COPS4: variants seen among roughly 807,000 people sequenced by gnomAD.
COPS4 encodes the protein COP9 signalosome subunit 4, also known as COP9 signalosome complex subunit 4.
A neutral mutation model predicts 55.1 loss-of-function variants in COPS4; 8 were observed. That is an observed-to-expected ratio of 0.15 (90% confidence interval 0.09 to 0.26). COPS4 has a LOEUF of 0.26. Among genes scored for constraint, COPS4 ranks in the 10% least tolerant of loss-of-function variants. The pLI, the probability that COPS4 is intolerant of heterozygous loss-of-function variation, is 1.00. For missense variants in COPS4, 248 were observed against 484.0 expected (o/e 0.51, Z 4.58); for synonymous variants, 185 against 165.7 (o/e 1.12, Z -0.90).
chr4:83,060,342 C>T (rs1361656152), intron 6 of COPS4, among the ~76,000 whole-genome samples: 5 of 115,448 alleles, frequency 4.3e-5, no homozygotes, highest in African/African-American at 1.2e-4. Flanking sequence ...CGCCACCACG[C>T]GCAGCTAATT....
intron 6 of COPS4, among the ~76,000 whole-genome samples, chr4:83,058,020 A>T (rs1731058830): frequency 6.6e-6 from 1 of 151,782 alleles, no homozygotes; most frequent in South Asian, 2.1e-4. Context: ...GCAGAGTGAA[A>T]CAAAAATTAA....
chr4:83,073,222 A>G (rs775744047), intron 9 of COPS4: 40 of 679,558 alleles, frequency 5.9e-5, no homozygotes, highest in African/African-American at 5.3e-4. Flanking sequence ...GCAACCACCA[A>G]TCCATCTTCT....
At chr4:83,063,030 T>G in intron 6 of COPS4, 46 bp from the exon 7 acceptor site, 1 of 1,479,242 alleles carries the variant, frequency 6.8e-7, no homozygotes, top group Non-Finnish European at 9.0e-7. Context: ...GAAGAAACAT[T>G]GTGAAAATAA....
At chr4:83,062,659 C>T (rs553231998) in intron 6 of COPS4, among the ~76,000 whole-genome samples, 3 of 152,248 alleles carry the variant, frequency 2.0e-5, no homozygotes, top group Admixed American at 6.5e-5. Context: ...AGTGCTGAAG[C>T]GCTGTCTGGG....
intron 1 of COPS4, among the ~76,000 whole-genome samples, chr4:83,039,152 C>T (rs1164649162): frequency 6.6e-6 from 1 of 152,148 alleles, no homozygotes; most frequent in Non-Finnish European, 1.5e-5. Context: ...TTCTTTTCTG[C>T]TCCACGTGGT....
chr4:83,068,014 C>A (rs1731331507), intron 8 of COPS4, among the ~76,000 whole-genome samples: 1 of 152,016 alleles, frequency 6.6e-6, no homozygotes, highest in Non-Finnish European at 1.5e-5. Context: ...TCTTTTAAAC[C>A]CTTTCAATTT....
chr4:83,061,845 T>A (rs949294016), intron 6 of COPS4, among the ~76,000 whole-genome samples: 3 of 152,184 alleles, frequency 2.0e-5, no homozygotes, highest in Admixed American at 2.0e-4. Context: ...GCCAGTTACG[T>A]CTTTTTGACA....
At chr4:83,056,818 C>G in intron 4 of COPS4, 108 bp from the exon 5 acceptor site, 1 of 951,830 alleles carries the variant, frequency 1.1e-6, no homozygotes, top group East Asian at 2.5e-5. Context: ...GTTTGATTCC[C>G]TTACGGTACC....
intron 1 of COPS4, among the ~76,000 whole-genome samples, chr4:83,037,910 C>G (rs533927104): frequency 1.3e-5 from 2 of 152,266 alleles, no homozygotes; most frequent in East Asian, 3.9e-4. Flanking sequence ...CATTTTAAAC[C>G]TACCAGACTA....
intron 1 of COPS4, among the ~76,000 whole-genome samples, chr4:83,043,355 A>G (rs1730613683): frequency 6.6e-6 from 1 of 151,838 alleles, no homozygotes; most frequent in Non-Finnish European, 1.5e-5. Flanking sequence ...CATCTCTACA[A>G]AAAGAAAAGA....
chr4:83,042,176 TA>T (rs1730586295), intron 1 of COPS4, among the ~76,000 whole-genome samples: 1 of 152,208 alleles, frequency 6.6e-6, no homozygotes, highest in Admixed American at 6.5e-5. Flanking sequence ...TATTGTAATT[TA>T]ACACTTGACA....
chr4:83,075,350 G>A lies in COPS4; in HGVS notation c.1141G>A (p.Val381Met). 1.2e-6 allele frequency: 2 copies of A among 1,614,134 alleles called. No individual in the cohort carries two copies. Among genetic ancestry groups the A allele is most frequent in the Non-Finnish European group, 1.7e-6 (2 of 1,180,024 alleles). Residue 381 changes from valine to methionine, a missense_variant, in exon 10 of 10, where the codon GTG becomes ATG. Val to Met is a conservative substitution (Grantham distance 21, BLOSUM62 1). Around this residue, in one of 4 missense-constraint regions of COPS4, gnomAD observed 38 missense variants for 77.9 expected, o/e 0.49. Coordinates refer to ENST00000264389, the MANE Select transcript of COPS4 (RefSeq NM_016129.3). The stretch of plus-strand genomic sequence containing the variant: ...GCAGATCCAATCACTTTGTTTCCAA[G>A]TGAATAACCTTTTGGAGAAAATTAG... The part of the protein sequence containing the change: ...DKQIQSLCFQ[V>M]NNLLEKISQT...
intron 9 of COPS4, among the ~76,000 whole-genome samples, chr4:83,068,956 C>T (rs1306815413): frequency 7.8e-6 from 1 of 127,916 alleles, no homozygotes; most frequent in Non-Finnish European, 1.6e-5. Flanking sequence ...GGTGACAAAG[C>T]GAGACTCTGT....
chr4:83,060,522 G>T (rs927445199), intron 6 of COPS4, among the ~76,000 whole-genome samples: 4 of 151,182 alleles, frequency 2.6e-5, no homozygotes, highest in African/African-American at 9.7e-5. Flanking sequence ...TAGCCAGGAT[G>T]GTGTCGATCT....
intron 1 of COPS4, among the ~76,000 whole-genome samples, chr4:83,042,554 C>T (rs1405781656): frequency 6.6e-6 from 1 of 150,636 alleles, no homozygotes; most frequent in African/African-American, 2.4e-5. Flanking sequence ...TTGCTCTGTC[C>T]AGGCACACGC....
chr4:83,049,342 T>C, intron 3 of COPS4, 25 bp downstream of exon 3: 1 of 1,553,366 alleles, frequency 6.4e-7, no homozygotes, highest in Non-Finnish European at 8.7e-7. Context: ...AAGTGGTTTT[T>C]TAACTTGAGA....
At chr4:83,041,219 C>T (rs1050804811) in intron 1 of COPS4, among the ~76,000 whole-genome samples, 1 of 151,682 alleles carries the variant, frequency 6.6e-6, no homozygotes, top group Admixed American at 6.6e-5. Flanking sequence ...CACGCCACCA[C>T]GCCCGGCTAA....
intron 9 of COPS4, among the ~76,000 whole-genome samples, chr4:83,068,969 C>A (rs1731354568): frequency 2.3e-5 from 3 of 129,424 alleles, no homozygotes; most frequent in African/African-American, 2.9e-5. Flanking sequence ...GACTCTGTCT[C>A]AAAAAAAAAA....
intron 7 of COPS4, 145 bp from the exon 8 acceptor site, chr4:83,066,293 C>T (rs1731290909): frequency 2.6e-5 from 12 of 461,090 alleles, no homozygotes; most frequent in Non-Finnish European, 4.0e-5. Flanking sequence ...GAAACTACAT[C>T]ATATATTGGC....
Sources: allele counts gnomAD v4.1 joint callset (sites outside exome capture counted in the v4.1 genomes callset), GRCh38; gene constraint gnomAD v4.1.1; regional missense constraint gnomAD v4.1.1; transcripts MANE v1.5; gene names NCBI Gene and HGNC (gene_info 2026-07-23, HGNC 2026-07-21).